SLCO5A1: variants seen among roughly 807,000 people sequenced by gnomAD.
SLCO5A1 encodes solute carrier organic anion transporter family member 5A1.
A neutral mutation model predicts 65.1 loss-of-function variants in SLCO5A1; 39 were observed. The ratio of observed to expected loss-of-function variants is 0.60; its 90% CI spans 0.46 to 0.78. SLCO5A1 has a LOEUF of 0.78. Among genes scored for constraint, SLCO5A1 ranks in the 30% least tolerant of loss-of-function variants. The pLI is 0.00. For missense variants in SLCO5A1, 1,029 were observed against 1,069.4 expected (o/e 0.96, Z 0.53); for synonymous variants, 438 against 415.7 (o/e 1.05, Z -0.65).
In SLCO5A1 at chr8:69,820,472, A is replaced by G. The variant is rs146504953; in HGVS notation, c.907+11295T>C. On this transcript the variant is annotated intron_variant, in intron 2 of 9. Transcript: ENST00000260126. ...TGTATCTTTCATTGTATATATCACT[A>G]TAAATAAAATTGTATAGATATTGAT... Among the ~76,000 whole-genome samples, 270 of 152,324 alleles carry G rather than the reference A, an allele frequency of 1.8e-3. 1 individual carries two copies. The highest frequency in any genetic ancestry group is 6.1e-3 in the African/African-American group (254 of 41,570).
chr8:69,690,730 A>T (rs1814225335), intron 6 of SLCO5A1, among the ~76,000 whole-genome samples: 1 of 152,192 alleles, frequency 6.6e-6, no homozygotes, highest in African/African-American at 2.4e-5. Context: ...AGCTGGGTGG[A>T]ACTGAGTGAA....
chr8:69,824,277 A>G (rs1820773743), intron 2 of SLCO5A1, among the ~76,000 whole-genome samples: 1 of 152,172 alleles, frequency 6.6e-6, no homozygotes, highest in African/African-American at 2.4e-5. Flanking sequence ...AACTAAAATC[A>G]GAGCAGAACT....
intron 2 of SLCO5A1, among the ~76,000 whole-genome samples, chr8:69,786,192 G>A (rs1010419124): frequency 1.3e-5 from 2 of 152,108 alleles, no homozygotes; most frequent in African/African-American, 4.8e-5. Context: ...ACCAAAAATT[G>A]CTTCTAGATG....
intron 4 of SLCO5A1, among the ~76,000 whole-genome samples, chr8:69,753,600 A>G (rs1484404650): frequency 6.6e-6 from 1 of 152,178 alleles, no homozygotes; most frequent in Non-Finnish European, 1.5e-5. Context: ...CTACTGTCCA[A>G]TAGATCATAT....
intron 5 of SLCO5A1, among the ~76,000 whole-genome samples, chr8:69,725,460 GATGT>G (rs61338509): frequency 0.35 from 53,070 of 150,354 alleles, 9,686 homozygotes; most frequent in Middle Eastern, 0.45. Context: ...AAAGAATAAA[GATGT>G]ATGTATGTAT....
At chr8:69,784,673 C>T (rs989152364) in intron 2 of SLCO5A1, among the ~76,000 whole-genome samples, 2 of 151,236 alleles carry the variant, frequency 1.3e-5, no homozygotes, top group South Asian at 2.1e-4. Context: ...TTGTAATCCC[C>T]GCTACCCAGG....
chr8:69,670,118 A>C lies in SLCO5A1; in HGVS notation c.*2751T>G, dbSNP rs1813287478. Reference sequence around the variant, plus strand: ...GGGAGTTTCTAAATTAATAGGATGAACTCAAGGATATTGTATTTGCATATT... The same window carrying C: ...GGGAGTTTCTAAATTAATAGGATGACCTCAAGGATATTGTATTTGCATATT... On this transcript the variant is annotated 3_prime_UTR_variant, in exon 10 of 10. Coordinates refer to ENST00000260126, the MANE Select transcript of SLCO5A1 (RefSeq NM_030958.3). 1 of 152,200 alleles carries C rather than the reference A, an allele frequency of 6.6e-6. No individual in the cohort carries two copies. The highest frequency in any genetic ancestry group is 1.5e-5 in the Non-Finnish European group (1 of 68,022). The allele number at this position is 152,200 out of a possible 1,614,324, so 9.4% of individuals were successfully genotyped here.
At chr8:69,750,347 C>T (rs1817238943) in intron 4 of SLCO5A1, among the ~76,000 whole-genome samples, 1 of 152,104 alleles carries the variant, frequency 6.6e-6, no homozygotes, top group South Asian at 2.1e-4. Context: ...AGCTGTCTAC[C>T]TGTGCCCCTT....
intron 2 of SLCO5A1, among the ~76,000 whole-genome samples, chr8:69,824,671 G>A (rs1820792728): frequency 2.0e-5 from 3 of 152,162 alleles, no homozygotes; most frequent in Admixed American, 2.0e-4. Context: ...GGACCAGATG[G>A]ATTCACAGCC....
At chr8:69,714,109 ATC>A (rs1319221243) in intron 5 of SLCO5A1, among the ~76,000 whole-genome samples, 1 of 152,216 alleles carries the variant, frequency 6.6e-6, no homozygotes, top group East Asian at 1.9e-4. Context: ...AGCACAGTAT[ATC>A]TCTTTCTCTT....
At chr8:69,735,084 G>C (rs1476927535) in intron 5 of SLCO5A1, among the ~76,000 whole-genome samples, 1 of 152,150 alleles carries the variant, frequency 6.6e-6, no homozygotes. Flanking sequence ...CAACATCACT[G>C]ATTATTAGAG....
intron 6 of SLCO5A1, among the ~76,000 whole-genome samples, chr8:69,692,815 C>T (rs939634200): frequency 7.9e-5 from 12 of 152,222 alleles, no homozygotes; most frequent in Middle Eastern, 3.4e-3. Context: ...TGCCTTCTTT[C>T]GGAATACCTC....
At chr8:69,806,604 G>C (rs977679265) in intron 2 of SLCO5A1, among the ~76,000 whole-genome samples, 7 of 152,136 alleles carry the variant, frequency 4.6e-5, no homozygotes, top group African/African-American at 7.2e-5. Context: ...ACACGTGCAG[G>C]AGCAAGCCTA....
chr8:69,763,622 A>T (rs1817909089), intron 2 of SLCO5A1, among the ~76,000 whole-genome samples: 1 of 94,012 alleles, frequency 1.1e-5, no homozygotes, highest in African/African-American at 6.8e-5. Flanking sequence ...TCCAAAAAAA[A>T]AAAAAAAAAA....
intron 4 of SLCO5A1, among the ~76,000 whole-genome samples, chr8:69,754,898 G>A (rs548693760): frequency 6.6e-6 from 1 of 152,278 alleles, no homozygotes; most frequent in South Asian, 2.1e-4. Flanking sequence ...GAGCTGCTAA[G>A]TGAGATCCCT....
intron 2 of SLCO5A1, among the ~76,000 whole-genome samples, chr8:69,817,753 A>G (rs528643819): frequency 6.6e-6 from 1 of 152,220 alleles, no homozygotes; most frequent in African/African-American, 2.4e-5. Context: ...AGTCTTTGCA[A>G]TGGAAAAACT....
At chr8:69,786,664 C>G (rs1184459738) in intron 2 of SLCO5A1, among the ~76,000 whole-genome samples, 1 of 152,140 alleles carries the variant, frequency 6.6e-6, no homozygotes, top group African/African-American at 2.4e-5. Context: ...ACACACACAA[C>G]AACAACTTAA....
At chr8:69,718,786 A>G (rs1327213675) in intron 5 of SLCO5A1, among the ~76,000 whole-genome samples, 1 of 152,228 alleles carries the variant, frequency 6.6e-6, no homozygotes, top group Non-Finnish European at 1.5e-5. Flanking sequence ...ATTCCTGCCC[A>G]GATTGAGTTT....
chr8:69,779,927 C>A (rs1249675074), intron 2 of SLCO5A1, among the ~76,000 whole-genome samples: 1 of 151,902 alleles, frequency 6.6e-6, no homozygotes, highest in Non-Finnish European at 1.5e-5. Flanking sequence ...GACTGATATC[C>A]AGAATTTATA....
Sources: gnomAD v4.1 joint callset for allele counts (sites outside exome capture counted in the v4.1 genomes callset) on GRCh38, gnomAD v4.1.1 for gene constraint, MANE v1.5 for transcripts, NCBI Gene and HGNC (gene_info 2026-07-23, HGNC 2026-07-21) for gene names.